The following NUP214 variants were observed in gnomAD, a reference collection of about 807,000 sequenced individuals.
NUP214 encodes the protein nucleoporin 214.
NUP214 carries 79 observed loss-of-function variants against 196.2 expected under a neutral mutation model. The ratio of observed to expected loss-of-function variants is 0.40; its 90% CI spans 0.34 to 0.49. NUP214 has a LOEUF of 0.49. Among genes scored for constraint, NUP214 ranks in the 20% least tolerant of loss-of-function variants. The probability of loss-of-function intolerance (pLI) is 0.58; values close to 1 mark genes in which losing one functional copy is unlikely to be tolerated. For missense variants in NUP214, 2,468 were observed against 2,539.0 expected (o/e 0.97, Z 0.60); for synonymous variants, 1,020 against 990.5 (o/e 1.03, Z -0.56).
At chr9:131,150,580 T>G in intron 15 of NUP214, 36 bp from the exon 16 acceptor site, 2 of 1,606,010 alleles carry the variant, frequency 1.2e-6, no homozygotes, top group South Asian at 2.2e-5. Context: ...TGTTTGTCCT[T>G]CAGACTGAGT....
At position 131,192,733 on chromosome 9, in the gene NUP214, G is replaced by C. The variant is rs557635195; in HGVS notation, c.3659+441G>C. 70 of 157,230 alleles carry C rather than the reference G, an allele frequency of 4.5e-4. 1 individual carries two copies. Among genetic ancestry groups the C allele is most frequent in the African/African-American group, 1.3e-3 (53 of 41,494 alleles). 9.7% of individuals were successfully genotyped at this position (157,230 alleles called of 1,614,324 possible). On this transcript the variant is annotated intron_variant, in intron 27 of 35. Transcript: ENST00000359428. Reference sequence around the variant, plus strand: ...GGTGGGAGGGATTGCTTGAGGCCAGGAGTTGGAGACTGACCTGGGCAACAT... The same window carrying C: ...GGTGGGAGGGATTGCTTGAGGCCAGCAGTTGGAGACTGACCTGGGCAACAT...
At chr9:131,130,132 G>GTTTTTT (rs1245763919) in intron 4 of NUP214, among the ~76,000 whole-genome samples, 1 of 46,606 alleles carries the variant, frequency 2.1e-5, no homozygotes, top group Non-Finnish European at 4.3e-5. Context: ...ATGATTTCTG[G>GTTTTTT]TTTTGTTTTT....
chr9:131,201,743 C>G, intron 30 of NUP214, 26 bp downstream of exon 30: 1 of 1,579,142 alleles, frequency 6.3e-7, no homozygotes, highest in South Asian at 1.1e-5. Context: ...TCTTCATTCA[C>G]GTCAACATGT....
chr9:131,228,871 G>C (rs1184352837), intron 33 of NUP214: 1 of 152,262 alleles, frequency 6.6e-6, no homozygotes, highest in Admixed American at 6.5e-5. Context: ...TGCTCTCATT[G>C]CCTCGTGTGC....
chr9:131,230,026 G>A, intron 33 of NUP214: 1 of 314,540 alleles, frequency 3.2e-6, no homozygotes, highest in Non-Finnish European at 6.2e-6. Context: ...GTCACACAGT[G>A]CCACCTTGTG....
intron 21 of NUP214, among the ~76,000 whole-genome samples, chr9:131,168,668 T>C (rs556935223): frequency 6.6e-6 from 1 of 152,376 alleles, no homozygotes; most frequent in East Asian, 1.9e-4. Flanking sequence ...GTACCATGTA[T>C]CATTAGTTCA....
intron 1 of NUP214, 101 bp from the exon 2 acceptor site, chr9:131,127,423 G>A: frequency 2.2e-6 from 2 of 893,634 alleles, no homozygotes; most frequent in East Asian, 2.4e-5. Flanking sequence ...CTTGGTCTCA[G>A]TAATACATAT....
intron 17 of NUP214, 75 bp from the exon 18 acceptor site, chr9:131,159,308 T>G (rs1832554202): frequency 1.0e-6 from 1 of 966,974 alleles, no homozygotes; most frequent in Non-Finnish European, 1.6e-6. Flanking sequence ...TTAGAATTCT[T>G]TTGACTGTTT....
chr9:131,185,455 T>G (rs991741714), intron 24 of NUP214, among the ~76,000 whole-genome samples: 2 of 152,218 alleles, frequency 1.3e-5, no homozygotes, highest in East Asian at 3.8e-4. Context: ...TGGGGCTCTG[T>G]TATAGCACCA....
chr9:131,157,599 G>A (rs537718209), intron 17 of NUP214, among the ~76,000 whole-genome samples: 2 of 151,792 alleles, frequency 1.3e-5, no homozygotes, highest in Admixed American at 1.3e-4. Flanking sequence ...TGAGTAGCTG[G>A]AATTACAGGC....
chr9:131,184,014 TTTTTTCTTTTTC>T (rs1191058123), intron 24 of NUP214, among the ~76,000 whole-genome samples: 3 of 148,896 alleles, frequency 2.0e-5, no homozygotes, highest in Admixed American at 6.7e-5. Context: ...TTTCTTTTTC[TTTTTTCTTTTTC>T]TTTTTTTTTT....
At chr9:131,140,925 G>A (rs148792353) in intron 11 of NUP214, among the ~76,000 whole-genome samples, 6 of 152,096 alleles carry the variant, frequency 3.9e-5, no homozygotes, top group African/African-American at 1.2e-4. Flanking sequence ...ACTTTACTTC[G>A]GAGATGAAGG....
chr9:131,158,511 A>G (rs1334465848), intron 17 of NUP214, among the ~76,000 whole-genome samples: 1 of 152,252 alleles, frequency 6.6e-6, no homozygotes, highest in East Asian at 1.9e-4. Context: ...TGACAGATTC[A>G]GTTTTTAGTG....
chr9:131,196,030 C>G lies in NUP214; in HGVS notation c.3721+736C>G, dbSNP rs964451302. 9.4e-5 allele frequency among the ~76,000 whole-genome samples: 3 copies of G among 31,968 alleles called. 1 individual carries two copies. Among genetic ancestry groups the G allele is most frequent in the African/African-American group, 2.5e-4 (3 of 12,006 alleles). The allele number at this position is 31,968 out of a possible 152,430, so 21.0% of individuals were successfully genotyped here. A position where few individuals can be genotyped will look rare whatever the true frequency, so the allele number is the denominator to read the frequency against. ...CAAGAGTGAAACTCTGTGTGTCCCC[C>G]CCCCCCCCCGCGCCAAAAAATCCAT... On this transcript the variant is annotated intron_variant, in intron 28 of 35. Coordinates refer to ENST00000359428, the MANE Select transcript of NUP214 (RefSeq NM_005085.4).
chr9:131,200,798 C>A lies in NUP214; in HGVS notation c.5522-849C>A, dbSNP rs947440868. On this transcript the variant is annotated intron_variant, in intron 29 of 35. Transcript: ENST00000359428. ...TTGTTGTATAGTTCTGCCTCATGTTCCCAGGCCCTGTTCAGCTCAGCACTT... is the reference window on the plus strand; with the variant it reads ...TTGTTGTATAGTTCTGCCTCATGTTACCAGGCCCTGTTCAGCTCAGCACTT... Among the ~76,000 whole-genome samples the A allele has an allele frequency of 1.3e-5, 2 of 152,092 alleles. 1 individual carries two copies. Among genetic ancestry groups the A allele is most frequent in the South Asian group, 4.2e-4 (2 of 4,812 alleles).
intron 24 of NUP214, among the ~76,000 whole-genome samples, chr9:131,184,502 T>C (rs1833394780): frequency 6.7e-6 from 1 of 150,360 alleles, no homozygotes; most frequent in African/African-American, 2.5e-5. Flanking sequence ...CCTGGCTAAT[T>C]TTTTTGTATT....
chr9:131,187,245 C>G, intron 24 of NUP214, 44 bp from the exon 25 acceptor site: 4 of 1,533,508 alleles, frequency 2.6e-6, no homozygotes, highest in Non-Finnish European at 3.6e-6. Flanking sequence ...TGATTTTTAC[C>G]TAGTCATGCC....
intron 26 of NUP214, chr9:131,191,929 A>T: frequency 3.7e-6 from 1 of 270,146 alleles, no homozygotes. Context: ...CATTTAAACT[A>T]TACTAGAATT....
chr9:131,131,984 C>G lies in NUP214; in HGVS notation c.664-612C>G, dbSNP rs529345593. Among the ~76,000 whole-genome samples the G allele has an allele frequency of 3.3e-5, 5 of 152,254 alleles. No homozygotes were observed. In the South Asian group the frequency reaches 1.0e-3, roughly 32 times the overall value. On this transcript the variant is annotated intron_variant, in intron 5 of 35. Transcript: ENST00000359428. ...GATTACAGACATGAGCCACCTCGCC[C>G]AGCCTTATTCCACTATTGATGATTG...
Sources: allele counts gnomAD v4.1 joint callset (sites outside exome capture counted in the v4.1 genomes callset), GRCh38; gene constraint gnomAD v4.1.1; transcripts MANE v1.5; gene names NCBI Gene and HGNC (gene_info 2026-07-23, HGNC 2026-07-21).